OTUD7A: variants seen among roughly 807,000 people sequenced by gnomAD.
OTUD7A encodes OTU deubiquitinase 7A, also known as OTU domain-containing protein 7A.
OTUD7A carries 12 observed loss-of-function variants against 65.7 expected under a neutral mutation model. That is an observed-to-expected ratio of 0.18 (90% CI 0.12 to 0.30). OTUD7A has a LOEUF of 0.30. OTUD7A is among the 10% of genes least tolerant of loss of function. OTUD7A has a pLI of 1.00. For missense variants in OTUD7A, 1,148 were observed against 1,304.8 expected (o/e 0.88, Z 1.85); for synonymous variants, 641 against 586.3 (o/e 1.09, Z -1.35).
At chr15:31,802,753 T>C (rs1406198839) in intron 1 of OTUD7A, among the ~76,000 whole-genome samples, 2 of 152,224 alleles carry the variant, frequency 1.3e-5, no homozygotes, top group African/African-American at 2.4e-5. Flanking sequence ...TAGAAAATAA[T>C]TAAATAAAGT....
intron 6 of OTUD7A, among the ~76,000 whole-genome samples, chr15:31,530,189 A>G (rs1018427358): frequency 4.6e-5 from 7 of 152,164 alleles, no homozygotes; most frequent in Admixed American, 3.3e-4. Context: ...GTCCATGCCA[A>G]CTGTTGACTG....
At chr15:31,799,703 G>T (rs1896068445) in intron 1 of OTUD7A, among the ~76,000 whole-genome samples, 1 of 152,136 alleles carries the variant, frequency 6.6e-6, no homozygotes, top group African/African-American at 2.4e-5. Flanking sequence ...AATGCCTCTT[G>T]CATATACCAC....
intron 1 of OTUD7A, among the ~76,000 whole-genome samples, chr15:31,666,789 T>C (rs984126410): frequency 1.3e-5 from 2 of 152,096 alleles, no homozygotes; most frequent in African/African-American, 2.4e-5. Flanking sequence ...TTCCTCCTAG[T>C]ATCCCCTTTG....
At chr15:31,652,469 C>T (rs1406644599) in intron 3 of OTUD7A, among the ~76,000 whole-genome samples, 1 of 152,144 alleles carries the variant, frequency 6.6e-6, no homozygotes, top group African/African-American at 2.4e-5. Flanking sequence ...GCATGATCCT[C>T]AGAAAAAAGT....
intron 3 of OTUD7A, among the ~76,000 whole-genome samples, chr15:31,593,841 C>T (rs911248876): frequency 1.3e-5 from 2 of 152,176 alleles, no homozygotes; most frequent in Non-Finnish European, 2.9e-5. Context: ...CTCTGCCATT[C>T]CCCCGATGTG....
intron 3 of OTUD7A, among the ~76,000 whole-genome samples, chr15:31,612,007 G>C (rs1890438636): frequency 1.3e-5 from 2 of 152,152 alleles, no homozygotes; most frequent in Admixed American, 1.3e-4. Context: ...TATGCAAGTT[G>C]ATAAATGTGA....
intron 1 of OTUD7A, among the ~76,000 whole-genome samples, chr15:31,862,863 A>G (rs1433709608): frequency 2.0e-5 from 3 of 152,236 alleles, no homozygotes. Context: ...AAAAGTCCAC[A>G]GTCCAAAGTC....
intron 1 of OTUD7A, among the ~76,000 whole-genome samples, chr15:31,675,834 G>C (rs180702723): frequency 6.6e-6 from 1 of 152,258 alleles, no homozygotes; most frequent in Admixed American, 6.5e-5. Context: ...CACACAAAAA[G>C]AAGGAAACCT....
intron 3 of OTUD7A, among the ~76,000 whole-genome samples, chr15:31,634,804 G>A (rs1438030057): frequency 1.3e-5 from 2 of 152,190 alleles, no homozygotes; most frequent in African/African-American, 4.8e-5. Flanking sequence ...CCTCAGTCTG[G>A]GGCCCTTTTT....
Position 31,860,677 on chromosome 15 carries a change from G to GTGTGTA in OTUD7A, c.-100+9829_-100+9830insTACACA, listed in dbSNP as rs560896384. Among the ~76,000 whole-genome samples, 70 of 73,276 alleles carry GTGTGTA rather than the reference G, an allele frequency of 9.6e-4. 4 individuals are homozygous for GTGTGTA. The highest frequency in any genetic ancestry group is 2.5e-3 in the African/African-American group (54 of 21,634). The allele number at this position is 73,276 out of a possible 152,430, so 48.1% of individuals were successfully genotyped here. On this transcript the variant is annotated intron_variant, in intron 1 of 12. Coordinates refer to ENST00000307050, the MANE Select transcript of OTUD7A (RefSeq NM_001382637.1). Reference sequence around the variant, plus strand: ...TGTGTGTATATATAGATGTATGTGTGTATATATATATATATATATATATGT... The same window carrying GTGTGTA: ...TGTGTGTATATATAGATGTATGTGTGTGTGTATATATATATATATATATATATATGT...
At chr15:31,772,066 A>C (rs1264417635) in intron 1 of OTUD7A, among the ~76,000 whole-genome samples, 5 of 151,636 alleles carry the variant, frequency 3.3e-5, no homozygotes, top group South Asian at 2.1e-4. Flanking sequence ...TCCCGGCTAA[A>C]ACGGTGAAAC....
At chr15:31,673,297 G>C (rs116436151) in intron 1 of OTUD7A, among the ~76,000 whole-genome samples, 1 of 152,156 alleles carries the variant, frequency 6.6e-6, no homozygotes, top group Admixed American at 6.5e-5. Context: ...TATCCACAAG[G>C]AATAATAATC....
At chr15:31,711,315 T>C (rs997729686) in intron 1 of OTUD7A, among the ~76,000 whole-genome samples, 3 of 152,156 alleles carry the variant, frequency 2.0e-5, no homozygotes, top group Admixed American at 6.5e-5. Flanking sequence ...GGCACACTCA[T>C]GGTGATCAAT....
chr15:31,604,585 C>T (rs1890182421), intron 3 of OTUD7A, among the ~76,000 whole-genome samples: 1 of 152,124 alleles, frequency 6.6e-6, no homozygotes, highest in Non-Finnish European at 1.5e-5. Flanking sequence ...ACATGTACCC[C>T]AGAGCTTAAA....
chr15:31,508,277 G>A (rs1329450968), intron 8 of OTUD7A, among the ~76,000 whole-genome samples: 1 of 152,136 alleles, frequency 6.6e-6, no homozygotes, highest in African/African-American at 2.4e-5. Context: ...GTGGACAGGG[G>A]TCTTAGTGGT....
In OTUD7A at chr15:31,804,859, C is replaced by T. The variant is rs142535547; in HGVS notation, c.-100+65648G>A. ...TATATAGACCACTTTGGTTTAAGTGCCACTGAGCTATTTCTGTTAAGCTCT... is the reference window on the plus strand; with the variant it reads ...TATATAGACCACTTTGGTTTAAGTGTCACTGAGCTATTTCTGTTAAGCTCT... On this transcript the variant is annotated intron_variant, in intron 1 of 12. Coordinates refer to ENST00000307050, the MANE Select transcript of OTUD7A (RefSeq NM_001382637.1). 2.9e-3 allele frequency among the ~76,000 whole-genome samples: 444 copies of T among 152,298 alleles called. 3 individuals carry two copies. The East Asian group carries it at 0.034, about 12-fold the overall frequency.
Position 31,605,484 on chromosome 15 carries a change from G to A in OTUD7A, c.152-35287C>T, listed in dbSNP as rs115521482. ...GGTGGGTGGACGGCTGATTCTCCTT[G>A]GTGGCCTCTGGGCCTGCATCCTAAC... On this transcript the variant is annotated intron_variant, in intron 3 of 12. Coordinates refer to ENST00000307050, the MANE Select transcript of OTUD7A (RefSeq NM_001382637.1). 4.3e-3 allele frequency among the ~76,000 whole-genome samples: 652 copies of A among 152,236 alleles called. 4 individuals are homozygous for A. Among genetic ancestry groups the A allele is most frequent in the African/African-American group, 0.015 (628 of 41,538 alleles).
chr15:31,786,547 G>A (rs1234447440), intron 1 of OTUD7A, among the ~76,000 whole-genome samples: 2 of 152,174 alleles, frequency 1.3e-5, no homozygotes, highest in African/African-American at 2.4e-5. Flanking sequence ...GGTGAGGGGT[G>A]TGTGGCTTTG....
At chr15:31,763,445 GA>G (rs1216176673) in intron 1 of OTUD7A, among the ~76,000 whole-genome samples, 1 of 152,090 alleles carries the variant, frequency 6.6e-6, no homozygotes, top group East Asian at 1.9e-4. Flanking sequence ...GATAGCAGAG[GA>G]AAGTCACTGG....
Sources: gnomAD v4.1 joint callset for allele counts (sites outside exome capture counted in the v4.1 genomes callset) on GRCh38, gnomAD v4.1.1 for gene constraint, MANE v1.5 for transcripts, NCBI Gene and HGNC (gene_info 2026-07-23, HGNC 2026-07-21) for gene names.